TSPEAR: variants seen among roughly 807,000 people sequenced by gnomAD.
TSPEAR encodes thrombospondin-type laminin G domain and EAR repeat-containing protein.
In TSPEAR, 69 loss-of-function variants were observed where a neutral mutation model predicts 71.6. The observed-to-expected ratio is 0.96, with a 90% confidence interval of 0.79 to 1.18. TSPEAR has a LOEUF of 1.18. Ranked by LOEUF, TSPEAR falls within the 50% of genes most tolerant of loss-of-function variation. The probability of loss-of-function intolerance (pLI) is 0.00; values close to 1 mark genes in which losing one functional copy is unlikely to be tolerated. For missense variants in TSPEAR, 971 were observed against 894.9 expected (o/e 1.09, Z -1.09); for synonymous variants, 402 against 387.2 (o/e 1.04, Z -0.45).
chr21:44,555,990 T>TA lies in TSPEAR; in HGVS notation c.303+11794dup, dbSNP rs587730003. ...ATGACTGCTGGGACAAGTTAATAGA[T>TA]ACAGCGGTTCAAAGGAAAAGACCTA... On this transcript the variant is annotated intron_variant, in intron 2 of 11. Coordinates refer to ENST00000323084, the MANE Select transcript of TSPEAR (RefSeq NM_144991.3). Among the ~76,000 whole-genome samples, 41 of 152,304 alleles carry TA rather than the reference T, an allele frequency of 2.7e-4. 1 individual carries two copies. The East Asian group carries it at 5.6e-3, about 21-fold the overall frequency.
intron 1 of TSPEAR, among the ~76,000 whole-genome samples, chr21:44,615,559 T>TTGTTTG (rs781804818): frequency 0.042 from 6,395 of 151,016 alleles, 443 homozygotes; most frequent in African/African-American, 0.14. Flanking sequence ...GTTTTTTTTT[T>TTGTTTG]TTTTTTAAAT....
At chr21:44,706,609 C>T (rs767557335) in intron 1 of TSPEAR, among the ~76,000 whole-genome samples, 44 of 152,240 alleles carry the variant, frequency 2.9e-4, no homozygotes, top group Non-Finnish European at 5.7e-4. Flanking sequence ...TTGCGCTTCA[C>T]CCACTTCTCA....
chr21:44,675,928 T>C lies in TSPEAR; in HGVS notation c.82+35505A>G, dbSNP rs587742856. ...CGGCGCTGGCATATGCTGTCAGGAT[T>C]TCCATTATCTGTTTCGTTTCTAGGG... On this transcript the variant is annotated intron_variant, in intron 1 of 11. Coordinates refer to ENST00000323084, the MANE Select transcript of TSPEAR (RefSeq NM_144991.3). 756 of 793,614 alleles carry C rather than the reference T, an allele frequency of 9.5e-4. 4 individuals carry two copies. The highest frequency in any genetic ancestry group is 2.4e-4 in the Non-Finnish European group (106 of 434,538). The allele number at this position is 793,614 out of a possible 1,614,324, so 49.2% of individuals were successfully genotyped here. A position where few individuals can be genotyped will look rare whatever the true frequency, so the allele number is the denominator to read the frequency against.
At chr21:44,512,449 CAG>C (rs1322272671) in intron 9 of TSPEAR, among the ~76,000 whole-genome samples, 8 of 152,002 alleles carry the variant, frequency 5.3e-5, no homozygotes, top group African/African-American at 1.7e-4. Flanking sequence ...GGGATGGAGA[CAG>C]GGGCTTTGGG....
chr21:44,535,812 C>T (rs775369397), intron 2 of TSPEAR, among the ~76,000 whole-genome samples: 2 of 151,594 alleles, frequency 1.3e-5, no homozygotes, highest in Admixed American at 6.6e-5. Flanking sequence ...GTGATCCGCC[C>T]GCTTCGGCCT....
At chr21:44,641,568 G>A (rs1984024365) in intron 1 of TSPEAR, among the ~76,000 whole-genome samples, 1 of 152,164 alleles carries the variant, frequency 6.6e-6, no homozygotes, top group Non-Finnish European at 1.5e-5. Context: ...GAAAATCCAA[G>A]AATGGAAGAA....
chr21:44,579,640 G>A, intron 1 of TSPEAR: 9 of 1,216,416 alleles, frequency 7.4e-6, no homozygotes, highest in South Asian at 1.5e-5. Flanking sequence ...TATGGAGGGG[G>A]GGGTCACCTC....
In TSPEAR at chr21:44,528,398, C is replaced by T. The variant is rs73379229; in HGVS notation, c.922+54G>A. ...CTCTCCTAGCCTCCACTCCCAGTCACACTGTGCCAGAGTGGCCCTGCATGC... is the reference window on the plus strand; with the variant it reads ...CTCTCCTAGCCTCCACTCCCAGTCATACTGTGCCAGAGTGGCCCTGCATGC... On this transcript the variant is annotated intron_variant, in intron 6 of 11. Coordinates refer to ENST00000323084, the MANE Select transcript of TSPEAR (RefSeq NM_144991.3). 12,639 of 1,609,410 alleles carry T rather than the reference C, an allele frequency of 7.9e-3. 843 individuals carry two copies. The African/African-American group carries it at 0.14, about 18-fold the overall frequency.
rs140725550 is a variant in TSPEAR, at chr21:44,535,539, C to T, written c.304-1616G>A. Among the ~76,000 whole-genome samples the T allele has an allele frequency of 4.9e-3, 741 of 152,302 alleles. 3 individuals carry two copies. Among genetic ancestry groups the T allele is most frequent in the Middle Eastern group, 0.02 (6 of 294 alleles). The stretch of plus-strand genomic sequence containing the variant: ...TGGTCCTGTAAGATTGTAACACTGA[C>T]GTTTTACTGTATCGTGTCTGTGTTT... On this transcript the variant is annotated intron_variant, in intron 2 of 11. Coordinates refer to ENST00000323084, the MANE Select transcript of TSPEAR (RefSeq NM_144991.3).
At position 44,567,948 on chromosome 21, in the gene TSPEAR, C is replaced by T. The variant is rs1325539440; in HGVS notation, c.140G>A (p.Gly47Glu). ...ACCGTGAACCTGAACTATCCTGATC[C>T]CGCTTGTGGCGCCATCAGAAGGGAC... is the stretch of plus-strand genomic sequence containing the variant. ...EVVPSDGATS[G>E]IRIVQVHGAR... Residue 47 changes from glycine (G) to glutamate (E), a missense_variant, in exon 2 of 12, where the codon GGG becomes GAG. Gly to Glu is a moderately conservative substitution (Grantham distance 98). Transcript: ENST00000323084. 3.8e-6 allele frequency: 6 copies of T among 1,582,002 alleles called. No individual in the cohort carries two copies. The African/African-American group carries it at 5.4e-5, about 14-fold the overall frequency.
intron 1 of TSPEAR, among the ~76,000 whole-genome samples, chr21:44,701,079 G>T (rs1003981365): frequency 2.6e-5 from 4 of 152,160 alleles, no homozygotes; most frequent in African/African-American, 9.7e-5. Context: ...GTGAGGAAAA[G>T]CACTTTGCAG....
chr21:44,680,617 A>G lies in TSPEAR; in HGVS notation c.82+30816T>C, dbSNP rs1555947772. 7.2e-5 allele frequency among the ~76,000 whole-genome samples: 11 copies of G among 152,254 alleles called. No homozygotes were observed. The South Asian group carries it at 2.3e-3, about 31-fold the overall frequency. On this transcript the variant is annotated intron_variant, in intron 1 of 11. Coordinates refer to ENST00000323084, the MANE Select transcript of TSPEAR (RefSeq NM_144991.3). Reference sequence around the variant, plus strand: ...TGTTTATTGCAGCACTATTCACAATAGCCAAGATACAGATTCAACCTAAAT... The same window carrying G: ...TGTTTATTGCAGCACTATTCACAATGGCCAAGATACAGATTCAACCTAAAT...
chr21:44,646,559 C>T (rs782052322), intron 1 of TSPEAR: 2 of 1,612,520 alleles, frequency 1.2e-6, no homozygotes, highest in Non-Finnish European at 8.5e-7. Context: ...TGCAGCGCCC[C>T]CAGCTGCTGC....
At chr21:44,545,236 T>C (rs1418411635) in intron 2 of TSPEAR, among the ~76,000 whole-genome samples, 10 of 151,838 alleles carry the variant, frequency 6.6e-5, no homozygotes, top group Non-Finnish European at 1.3e-4. Context: ...GAGAATGGCG[T>C]GAACCCAGGA....
intron 1 of TSPEAR, among the ~76,000 whole-genome samples, chr21:44,634,025 G>C (rs1489072299): frequency 6.6e-6 from 1 of 152,126 alleles, no homozygotes; most frequent in African/African-American, 2.4e-5. Context: ...TGAGAGGATT[G>C]TTTAAGGCCA....
intron 1 of TSPEAR, among the ~76,000 whole-genome samples, chr21:44,616,302 G>A (rs949155654): frequency 2.0e-5 from 3 of 152,168 alleles, no homozygotes; most frequent in African/African-American, 4.8e-5. Flanking sequence ...TCTCTAAAGC[G>A]GGGAGAGATC....
At chr21:44,542,296 G>T (rs2053234135) in intron 2 of TSPEAR, among the ~76,000 whole-genome samples, 1 of 152,146 alleles carries the variant, frequency 6.6e-6, no homozygotes. Flanking sequence ...GGGAAATAAA[G>T]AAAGTGGAGC....
chr21:44,510,605 A>T (rs892754922), intron 9 of TSPEAR: 16 of 151,388 alleles, frequency 1.1e-4, no homozygotes, highest in African/African-American at 3.9e-4. Context: ...CGGCCGGCTC[A>T]GGTGCTGCAG....
At chr21:44,688,538 G>A (rs536792368) in intron 1 of TSPEAR, among the ~76,000 whole-genome samples, 14 of 152,278 alleles carry the variant, frequency 9.2e-5, no homozygotes, top group Non-Finnish European at 1.9e-4. Context: ...GGCTAACACG[G>A]TGAAACCCTG....
Sources: allele counts gnomAD v4.1 joint callset (sites outside exome capture counted in the v4.1 genomes callset), GRCh38; gene constraint gnomAD v4.1.1; transcripts MANE v1.5; gene names NCBI Gene and HGNC (gene_info 2026-07-23, HGNC 2026-07-21).